Variants in RBFOX3 observed in about 807,000 individuals in gnomAD.
The protein encoded by RBFOX3 is RNA binding protein fox-1 homolog 3.
Under a neutral mutation model 48.7 loss-of-function variants are expected in RBFOX3, and 17 were observed. The ratio of observed to expected loss-of-function variants is 0.35; its 90% CI spans 0.24 to 0.52. The LOEUF (loss-of-function observed/expected upper bound fraction) is 0.52, where lower values mean the gene tolerates loss of function less well. RBFOX3 is among the 20% of genes least tolerant of loss of function. The probability of loss-of-function intolerance (pLI) is 0.94; values close to 1 mark genes in which losing one functional copy is unlikely to be tolerated. For missense variants in RBFOX3, 382 were observed against 497.5 expected, an observed-to-expected ratio of 0.77 and a Z score of 2.21; for synonymous variants, 212 against 209.5, an observed-to-expected ratio of 1.01 and a Z score of -0.10.
chr17:79,537,119 A>C (rs1295022628), intron 1 of RBFOX3, among the ~76,000 whole-genome samples: 1 of 134,074 alleles, frequency 7.5e-6, no homozygotes, highest in African/African-American at 3.0e-5. Context: ...ACAAAAAACA[A>C]AAAAAAAAAA....
At position 79,481,787 on chromosome 17, in the gene RBFOX3, G is replaced by C. The variant is rs2078815340; in HGVS notation, c.-175+667C>G. Among the ~76,000 whole-genome samples the C allele has an allele frequency of 6.6e-6, 1 of 152,074 alleles. No homozygotes were observed. The highest frequency in any genetic ancestry group is 2.4e-5 in the African/African-American group (1 of 41,410). ...ATTTTTAGTGTAGTGCTTTTTTGTT[G>C]CTGTCGTTCTGTGAACTGTAGCAAA... On this transcript the variant is annotated intron_variant, in intron 2 of 14. Coordinates refer to ENST00000693108, the MANE Select transcript of RBFOX3 (RefSeq NM_001350451.2). The surrounding 1 kb of genome is among the most constrained non-coding windows in gnomAD (Gnocchi z 5.4).
intron 12 of RBFOX3, 150 bp from the exon 13 acceptor site, chr17:79,095,724 G>A (rs957021830): frequency 1.5e-6 from 1 of 676,562 alleles, no homozygotes; most frequent in Non-Finnish European, 2.5e-6. Context: ...GCTGGGTAAG[G>A]ATTAGGTGGT....
chr17:79,242,556 A>G lies in RBFOX3; in HGVS notation c.-73-6751T>C, dbSNP rs536682249. ...TAGAGAGGAAAGGAGGGGAGAGAAG[A>G]GGAGAGGGGAGGGAAGGGGAAGGGA... On this transcript the variant is annotated intron_variant, in intron 3 of 14. Transcript: ENST00000693108. This position sits in a 1 kb window ranked among gnomAD's most constrained non-coding sequence, Gnocchi z 5.8. Among the ~76,000 whole-genome samples the G allele has an allele frequency of 6.6e-6, 1 of 151,022 alleles. No individual in the cohort carries two copies. Among genetic ancestry groups the G allele is most frequent in the African/African-American group, 2.4e-5 (1 of 41,016 alleles).
At chr17:79,532,834 T>TGTGTGC (rs1264099131) in intron 1 of RBFOX3, among the ~76,000 whole-genome samples, 1 of 152,164 alleles carries the variant, frequency 6.6e-6, no homozygotes, top group African/African-American at 2.4e-5. Flanking sequence ...AACACGTGTG[T>TGTGTGC]GTGTGTGCAC....
At chr17:79,092,874 A>G (rs918143100) in intron 14 of RBFOX3, among the ~76,000 whole-genome samples, 2 of 152,170 alleles carry the variant, frequency 1.3e-5, no homozygotes, top group Non-Finnish European at 2.9e-5. Flanking sequence ...GGTCATGGCC[A>G]ACAGTGCTTC....
intron 2 of RBFOX3, among the ~76,000 whole-genome samples, chr17:79,314,199 G>A (rs1022379020): frequency 3.3e-5 from 5 of 152,144 alleles, no homozygotes; most frequent in African/African-American, 1.2e-4. Flanking sequence ...ATCTTTCTGA[G>A]GTGCAGGCTG....
intron 4 of RBFOX3, among the ~76,000 whole-genome samples, chr17:79,153,053 G>T (rs2044949339): frequency 6.6e-6 from 1 of 152,184 alleles, no homozygotes; most frequent in South Asian, 2.1e-4. Flanking sequence ...TGCCCGCTGG[G>T]GCTGCCCTAT....
At chr17:79,452,964 CCACT>C (rs1283294221) in intron 2 of RBFOX3, among the ~76,000 whole-genome samples, 2 of 152,214 alleles carry the variant, frequency 1.3e-5, no homozygotes, top group African/African-American at 4.8e-5. Context: ...CCTCCAACAC[CCACT>C]GAGACGTGCA....
At position 79,479,567 on chromosome 17, in the gene RBFOX3, A is replaced by C. The variant is rs1259252684; in HGVS notation, c.-175+2887T>G. On this transcript the variant is annotated intron_variant, in intron 2 of 14. Coordinates refer to ENST00000693108, the MANE Select transcript of RBFOX3 (RefSeq NM_001350451.2). This position sits in a 1 kb window ranked among gnomAD's most constrained non-coding sequence, Gnocchi z 5.1. The stretch of plus-strand genomic sequence containing the variant: ...TCAGAGCACACCTTTGGAATCAACA[A>C]GGGGCTGGACAGTGAACACACCGAG... Among the ~76,000 whole-genome samples, 1 of 152,222 alleles carries C rather than the reference A, an allele frequency of 6.6e-6. No individual in the cohort carries two copies. The highest frequency in any genetic ancestry group is 1.5e-5 in the Non-Finnish European group (1 of 68,034).
At chr17:79,470,223 C>G (rs1266448588) in intron 2 of RBFOX3, among the ~76,000 whole-genome samples, 1 of 151,748 alleles carries the variant, frequency 6.6e-6, no homozygotes, top group Non-Finnish European at 1.5e-5. Flanking sequence ...GAGATCACTA[C>G]TGGAGACACC....
intron 4 of RBFOX3, among the ~76,000 whole-genome samples, chr17:79,166,591 A>G (rs1475597633): frequency 6.6e-6 from 1 of 152,078 alleles, no homozygotes; most frequent in African/African-American, 2.4e-5. Context: ...ACACCCCAGC[A>G]CCGAGATCCG....
In RBFOX3 at chr17:79,218,998, G is replaced by A. The variant is rs575726621; in HGVS notation, c.-34+16768C>T. The stretch of plus-strand genomic sequence containing the variant: ...TCTCCACGGCTGCCATGGCTCCTGC[G>A]GCCTCAGCCTGCTCTGCGGACCCCC... On this transcript the variant is annotated intron_variant, in intron 4 of 14. Transcript: ENST00000693108. 3.9e-5 allele frequency among the ~76,000 whole-genome samples: 6 copies of A among 152,304 alleles called. No individual in the cohort carries two copies. The South Asian group carries it at 8.3e-4, about 21-fold the overall frequency.
chr17:79,094,295 TC>T (rs1350413283), intron 14 of RBFOX3, 155 bp downstream of exon 14: 7 of 524,518 alleles, frequency 1.3e-5, no homozygotes, highest in African/African-American at 2.0e-5. Flanking sequence ...GGGCCAGCCC[TC>T]CCCTCACCCT....
chr17:79,159,427 C>T (rs1233684531), intron 4 of RBFOX3, among the ~76,000 whole-genome samples: 1 of 152,184 alleles, frequency 6.6e-6, no homozygotes, highest in Admixed American at 6.5e-5. Flanking sequence ...CCAAGCCGCA[C>T]AGGAAAGCCA....
chr17:79,420,128 T>TACACACAC (rs58282867), intron 2 of RBFOX3, among the ~76,000 whole-genome samples: 14,316 of 113,476 alleles, frequency 0.13, 1,010 homozygotes, highest in Non-Finnish European at 0.15. Flanking sequence ...CTCCGTCTCA[T>TACACACAC]ACACACACAC....
intron 4 of RBFOX3, among the ~76,000 whole-genome samples, chr17:79,160,853 A>AAT (rs2046829914): frequency 6.6e-6 from 1 of 151,920 alleles, no homozygotes; most frequent in African/African-American, 2.4e-5. Context: ...GGTGACGCAC[A>AAT]CCTGTAATCC....
chr17:79,336,251 G>A (rs1287539278), intron 2 of RBFOX3, among the ~76,000 whole-genome samples: 2 of 152,108 alleles, frequency 1.3e-5, no homozygotes, highest in East Asian at 3.9e-4. Flanking sequence ...GCCGGGCATG[G>A]TGGTATACGT....
At position 79,090,936 on chromosome 17, in the gene RBFOX3, G is replaced by A. The variant is rs938702031; in HGVS notation, c.1078-51C>T. ...CTTGCAGCTTCTCGGGGGAGGCACAGCAGGTGTGAAGGCGACAGGACCACG... is the reference window on the plus strand; with the variant it reads ...CTTGCAGCTTCTCGGGGGAGGCACAACAGGTGTGAAGGCGACAGGACCACG... On this transcript the variant is annotated intron_variant, in intron 14 of 14. Transcript: ENST00000693108. 3 of 1,527,358 alleles carry A rather than the reference G, an allele frequency of 2.0e-6. No homozygotes were observed. The African/African-American group carries it at 4.2e-5, about 22-fold the overall frequency. The allele number at this position is 1,527,358 out of a possible 1,614,324, so 94.6% of individuals were successfully genotyped here. A position where few individuals can be genotyped will look rare whatever the true frequency, so the allele number is the denominator to read the frequency against.
At chr17:79,590,040 C>T (rs2093371514) in intron 1 of RBFOX3, among the ~76,000 whole-genome samples, 1 of 152,152 alleles carries the variant, frequency 6.6e-6, no homozygotes, top group Non-Finnish European at 1.5e-5. Flanking sequence ...GAGGGCACTG[C>T]AGGGGCGGTG....
Sources: allele counts gnomAD v4.1 joint callset (sites outside exome capture counted in the v4.1 genomes callset), GRCh38; gene constraint gnomAD v4.1.1; non-coding constraint Gnocchi (gnomAD v3.1); transcripts MANE v1.5; gene names NCBI Gene and HGNC (gene_info 2026-07-23, HGNC 2026-07-21).